Variants in RNF111 observed in about 807,000 individuals in gnomAD.
RNF111 encodes ring finger protein 111, also known as E3 ubiquitin-protein ligase Arkadia.
RNF111 carries 17 observed loss-of-function variants against 95.1 expected under a neutral mutation model. That is an observed-to-expected ratio of 0.18 (90% CI 0.12 to 0.27). RNF111 has a LOEUF of 0.27. Ranked by LOEUF, RNF111 falls within the 10% of genes least tolerant of loss-of-function variation. The pLI, the probability that RNF111 is intolerant of heterozygous loss-of-function variation, is 1.00. For missense variants in RNF111, 1,189 were observed against 1,210.4 expected (o/e 0.98, Z 0.26); for synonymous variants, 440 against 414.8 (o/e 1.06, Z -0.74).
At chr15:59,010,577 T>A (rs2039753873) in intron 1 of RNF111, among the ~76,000 whole-genome samples, 1 of 152,028 alleles carries the variant, frequency 6.6e-6, no homozygotes, top group African/African-American at 2.4e-5. Context: ...AATTTTTATA[T>A]TTTTAGTAGG....
chr15:59,002,362 T>C (rs2039360266), intron 1 of RNF111, among the ~76,000 whole-genome samples: 1 of 152,234 alleles, frequency 6.6e-6, no homozygotes, highest in South Asian at 2.1e-4. Flanking sequence ...CGTTTTCCCA[T>C]GGTATTTGGT....
intron 1 of RNF111, among the ~76,000 whole-genome samples, chr15:59,019,059 G>A (rs1312732667): frequency 1.3e-5 from 2 of 150,744 alleles, no homozygotes; most frequent in African/African-American, 4.9e-5. Context: ...GTGTAGGTGA[G>A]ACTTCAGGCA....
At chr15:59,064,026 T>A (rs148929654) in intron 5 of RNF111, among the ~76,000 whole-genome samples, 1 of 152,206 alleles carries the variant, frequency 6.6e-6, no homozygotes, top group Non-Finnish European at 1.5e-5. Context: ...GTAAAGCTAC[T>A]GTAATAATGA....
At chr15:59,004,796 G>A (rs1312845035) in intron 1 of RNF111, among the ~76,000 whole-genome samples, 11 of 152,070 alleles carry the variant, frequency 7.2e-5, no homozygotes, top group African/African-American at 2.2e-4. Context: ...AATAAATCAT[G>A]TTTTCATTGT....
chr15:59,037,231 T>A (rs558028915), intron 2 of RNF111, among the ~76,000 whole-genome samples: 1 of 152,320 alleles, frequency 6.6e-6, no homozygotes, highest in South Asian at 2.1e-4. Flanking sequence ...ATTTCTATTA[T>A]GTGTAGAAAG....
intron 1 of RNF111, among the ~76,000 whole-genome samples, chr15:59,000,920 G>C (rs1461201079): frequency 6.6e-6 from 1 of 152,240 alleles, no homozygotes; most frequent in East Asian, 1.9e-4. Flanking sequence ...CTGCTCTGGT[G>C]GGGAAACAAA....
intron 2 of RNF111, among the ~76,000 whole-genome samples, chr15:59,036,243 A>G (rs1406626350): frequency 6.6e-6 from 1 of 151,960 alleles, no homozygotes; most frequent in Admixed American, 6.6e-5. Flanking sequence ...TTTTTATTAG[A>G]GACTGGGTTT....
rs1349559685 is a variant in RNF111 at position 59,080,238 on chromosome 15, A to T, written c.1949-698A>T. ...CAGGTTCAAGCGATTCTCCTGCCTCAGCCTCCCTAGTAGCTGGGATTACAG... is the reference window on the plus strand; with the variant it reads ...CAGGTTCAAGCGATTCTCCTGCCTCTGCCTCCCTAGTAGCTGGGATTACAG... On this transcript the variant is annotated intron_variant, in intron 7 of 13. Coordinates refer to ENST00000348370, the MANE Select transcript of RNF111 (RefSeq NM_017610.8). Among the ~76,000 whole-genome samples, 13 of 148,708 alleles carry T rather than the reference A, an allele frequency of 8.7e-5. No homozygotes were observed. The Admixed American group carries it at 9.0e-4, about 10-fold the overall frequency.
chr15:59,066,185 G>GC, intron 5 of RNF111, among the ~76,000 whole-genome samples: 1 of 152,296 alleles, frequency 6.6e-6, no homozygotes, highest in African/African-American at 2.4e-5. Flanking sequence ...CATTTACTGT[G>GC]CCATAGGAAA....
At chr15:59,063,906 C>T (rs1383420675) in intron 5 of RNF111, among the ~76,000 whole-genome samples, 1 of 152,152 alleles carries the variant, frequency 6.6e-6, no homozygotes, top group Non-Finnish European at 1.5e-5. Flanking sequence ...AGCTTAGTAT[C>T]CCAAAGGTTT....
Position 58,988,080 on chromosome 15 carries a change from G to T in RNF111, c.-20+12G>T, listed in dbSNP as rs12905422. 3.5e-5 allele frequency: 5 copies of T among 144,774 alleles called. No homozygotes were observed. The highest frequency in any genetic ancestry group is 5.5e-5 in the African/African-American group (2 of 36,292). The allele number at this position is 144,774 out of a possible 1,614,324, so 9.0% of individuals were successfully genotyped here. A position where few individuals can be genotyped will look rare whatever the true frequency, so the allele number is the denominator to read the frequency against. Reference sequence around the variant, plus strand: ...GGCTAATGATTAAGGTGAGGGGAACGGGGGGGGAGGGGATCCATTGGAGGC... The same window carrying T: ...GGCTAATGATTAAGGTGAGGGGAACTGGGGGGGAGGGGATCCATTGGAGGC... On this transcript the variant is annotated intron_variant, in intron 1 of 13. Transcript: ENST00000348370.
In RNF111 at chr15:59,006,175, T is replaced by C. The variant is rs185595816; in HGVS notation, c.-20+18107T>C. On this transcript the variant is annotated intron_variant, in intron 1 of 13. Coordinates refer to ENST00000348370, the MANE Select transcript of RNF111 (RefSeq NM_017610.8). The stretch of plus-strand genomic sequence containing the variant: ...TCTGTGTATTCCAGATTTTATATAG[T>C]GAACTTATTTTAAAAACCAACCAAG... Among the ~76,000 whole-genome samples, 813 of 152,374 alleles carry C rather than the reference T, an allele frequency of 5.3e-3. 12 individuals are homozygous for C. Among genetic ancestry groups the C allele is most frequent in the Non-Finnish European group, 5.0e-3 (340 of 68,034 alleles).
chr15:59,062,177 G>T (rs1250008448), intron 5 of RNF111, among the ~76,000 whole-genome samples: 1 of 151,226 alleles, frequency 6.6e-6, no homozygotes, highest in African/African-American at 2.4e-5. Flanking sequence ...CAAGTAGCTG[G>T]GACTACAGGC....
rs904074686 is a variant in RNF111, at chr15:59,081,186, C to T, written c.2199C>T (p.His733=). Residue 733 remains histidine, a synonymous_variant, in exon 8 of 14, where the codon CAC becomes CAT. Coordinates refer to ENST00000348370, the MANE Select transcript of RNF111 (RefSeq NM_017610.8). The part of the protein sequence containing the change: ...HLPPTHQPIS[H]HIPATAPPAQ... The stretch of plus-strand genomic sequence containing the variant: ...CTCCTACACACCAGCCAATTTCGCA[C>T]CATATTCCAGCCACAGCACCTCCAG... The T allele has an allele frequency of 1.9e-6, 3 of 1,614,212 alleles. No individual in the cohort carries two copies. The highest frequency in any genetic ancestry group is 1.3e-5 in the African/African-American group (1 of 75,058).
intron 1 of RNF111, among the ~76,000 whole-genome samples, chr15:58,995,548 T>G (rs1409206280): frequency 2.6e-5 from 4 of 151,538 alleles, no homozygotes; most frequent in Non-Finnish European, 5.9e-5. Flanking sequence ...AACCTCTGCC[T>G]CCCGGGTTCA....
At chr15:59,093,843 CTG>C (rs1278978750) in intron 13 of RNF111, among the ~76,000 whole-genome samples, 10 of 152,048 alleles carry the variant, frequency 6.6e-5, no homozygotes, top group African/African-American at 2.4e-4. Flanking sequence ...TTTTTGCACA[CTG>C]TATTTCTAAT....
At position 59,058,498 on chromosome 15, in the gene RNF111, A is replaced by T. The variant is rs999829836; in HGVS notation, c.1314A>T (p.Ser438=). ...CCAGTAGCCAACCTTCCACAGTGTC[A>T]GAGACTTCAGCTACTCTTACAAGCA... ...AVTSSQPSTV[S]ETSATLTSNS... is the part of the protein sequence containing the mutation. Residue 438 remains serine, a synonymous_variant, in exon 5 of 14, where the codon TCA becomes TCT. Coordinates refer to ENST00000348370, the MANE Select transcript of RNF111 (RefSeq NM_017610.8). 1.2e-6 allele frequency: 2 copies of T among 1,614,122 alleles called. No individual in the cohort carries two copies. The highest frequency in any genetic ancestry group is 1.1e-5 in the South Asian group (1 of 91,080).
At chr15:59,008,905 C>CT (rs2039663786) in intron 1 of RNF111, among the ~76,000 whole-genome samples, 1 of 152,048 alleles carries the variant, frequency 6.6e-6, no homozygotes, top group Non-Finnish European at 1.5e-5. Flanking sequence ...AAACAGTATA[C>CT]TTTCATTTGT....
At position 59,072,849 on chromosome 15, in the gene RNF111, T is replaced by C. The variant is rs1229535679; in HGVS notation, c.1687-3105T>C. On this transcript the variant is annotated intron_variant, in intron 6 of 13. Transcript: ENST00000348370. ...TTTTTTGTTTGTTTGTTTGTTTAAA[T>C]GATGTGTCTGGGGCCCTGCAATTTT... Among the ~76,000 whole-genome samples the C allele has an allele frequency of 2.7e-5, 4 of 149,590 alleles. No homozygotes were observed. In the East Asian group the frequency reaches 7.8e-4, roughly 29 times the overall value.
Sources: gnomAD v4.1 joint callset for allele counts (sites outside exome capture counted in the v4.1 genomes callset) on GRCh38, gnomAD v4.1.1 for gene constraint, MANE v1.5 for transcripts, NCBI Gene and HGNC (gene_info 2026-07-23, HGNC 2026-07-21) for gene names.